SH3TC2: variants seen among roughly 807,000 people sequenced by gnomAD.
SH3TC2 encodes SH3 domain and tetratricopeptide repeats 2.
Under a neutral mutation model 124.5 loss-of-function variants are expected in SH3TC2, and 87 were observed. The observed-to-expected ratio is 0.70, with a 90% CI of 0.59 to 0.84. SH3TC2 has a LOEUF of 0.84. Among genes scored for constraint, SH3TC2 ranks in the 40% least tolerant of loss-of-function variants. The pLI is 0.00. For synonymous variants in SH3TC2, 634 were observed against 628.5 expected (o/e 1.01, Z -0.13); for missense variants, 1,536 against 1,566.4 (o/e 0.98, Z 0.33).
rs1347964733 is a variant in SH3TC2, at chr5:149,027,833, G to A, written c.1899C>T (p.Ala633=). The part of the protein sequence containing the change: ...GIVVGSSPLE[A]RACFLAIRLL... Reference sequence around the variant, plus strand: ...AGCGGATGGCCAGAAAGCAGGCCCTGGCCTCCAGCGGGCTGCTGCCCACCA... The same window carrying A: ...AGCGGATGGCCAGAAAGCAGGCCCTAGCCTCCAGCGGGCTGCTGCCCACCA... Residue 633 remains alanine, a synonymous_variant, in exon 11 of 17, where the codon GCC becomes GCT. Transcript: ENST00000515425. The A allele has an allele frequency of 2.5e-6, 4 of 1,613,730 alleles. No individual in the cohort carries two copies. In the Admixed American group the frequency reaches 6.7e-5, roughly 27 times the overall value.
chr5:149,010,172 G>A, intron 14 of SH3TC2, 98 bp downstream of exon 14: 3 of 1,529,664 alleles, frequency 2.0e-6, no homozygotes, highest in East Asian at 4.5e-5. Flanking sequence ...TGAAATACAA[G>A]CAAGAGAGGA....
chr5:149,060,133 G>A (rs1754720325), intron 1 of SH3TC2, among the ~76,000 whole-genome samples: 1 of 152,186 alleles, frequency 6.6e-6, no homozygotes, highest in Admixed American at 6.5e-5. Flanking sequence ...AGAGGCGAAT[G>A]TATCTCTTCC....
chr5:149,026,824 T>C (rs1754072207), intron 11 of SH3TC2, 36 bp downstream of exon 11: 2 of 1,614,166 alleles, frequency 1.2e-6, no homozygotes, highest in South Asian at 2.2e-5. Context: ...CCAACACTTT[T>C]CTCTATAGCT....
chr5:149,032,412 T>C (rs1034459789), intron 8 of SH3TC2, among the ~76,000 whole-genome samples: 6 of 152,216 alleles, frequency 3.9e-5, no homozygotes, highest in African/African-American at 1.4e-4. Context: ...AATAAAAAAC[T>C]AGAAGTGCCT....
chr5:149,057,944 C>A (rs1463149557), intron 1 of SH3TC2, among the ~76,000 whole-genome samples: 1 of 152,122 alleles, frequency 6.6e-6, no homozygotes, highest in African/African-American at 2.4e-5. Flanking sequence ...GTTCTAGGAC[C>A]CTCATCAGCA....
At position 149,044,412 on chromosome 5, in the gene SH3TC2, T is replaced by A. The variant is rs746157308; in HGVS notation, c.385+121A>T. The A allele has an allele frequency of 1.1e-5, 8 of 742,674 alleles. No individual in the cohort carries two copies. The African/African-American group carries it at 1.4e-4, about 13-fold the overall frequency. 46.0% of individuals were successfully genotyped at this position (742,674 alleles called of 1,614,324 possible). ...TTTGTGAAATTTCAAAAGTTAACCA[T>A]CTTTTTTAAGGCTCTATTTCTCTTA... On this transcript the variant is annotated intron_variant, in intron 4 of 16. Transcript: ENST00000515425.
At position 148,987,080 on chromosome 5, in the gene SH3TC2, T is replaced by C. The variant is rs369865445; in HGVS notation, c.*17631A>G. On this transcript the variant is annotated 3_prime_UTR_variant, in exon 17 of 17. Coordinates refer to ENST00000515425, the MANE Select transcript of SH3TC2 (RefSeq NM_024577.4). ...CTTAATTCTCTAATCTGAAATTCTT[T>C]ATTTTAGATCCATTCCAAAATCATC... Among the ~76,000 whole-genome samples, 1 of 152,260 alleles carries C rather than the reference T, an allele frequency of 6.6e-6. No individual in the cohort carries two copies. Among genetic ancestry groups the C allele is most frequent in the Non-Finnish European group, 1.5e-5 (1 of 68,046 alleles).
intron 1 of SH3TC2, among the ~76,000 whole-genome samples, chr5:149,060,639 G>A (rs1754730606): frequency 6.6e-6 from 1 of 152,202 alleles, no homozygotes; most frequent in African/African-American, 2.4e-5. Flanking sequence ...CAAGGCAGAA[G>A]CACCCCAGGA....
At chr5:149,057,584 G>C (rs527643778) in intron 1 of SH3TC2, 1 of 152,308 alleles carries the variant, frequency 6.6e-6, no homozygotes, top group African/African-American at 2.4e-5. Context: ...AAATTTGCAT[G>C]TCATCCTTGC....
intron 12 of SH3TC2, chr5:149,025,717 T>C (rs1245687242): frequency 1.3e-5 from 2 of 152,196 alleles, no homozygotes; most frequent in Non-Finnish European, 2.9e-5. Context: ...CAACAGAAGA[T>C]GGCAAAATCT....
Position 148,992,201 on chromosome 5 carries a change from GA to G in SH3TC2, c.*12509del, listed in dbSNP as rs1361153968. On this transcript the variant is annotated 3_prime_UTR_variant, in exon 17 of 17. Transcript: ENST00000515425. ...CTTCCATATTACAGATGCAGAAATG[GA>G]GGCCCAGAATGGTTAAGTGCCTTGC... Among the ~76,000 whole-genome samples the G allele has an allele frequency of 3.3e-5, 5 of 152,210 alleles. No individual in the cohort carries two copies. Among genetic ancestry groups the G allele is most frequent in the Non-Finnish European group, 7.3e-5 (5 of 68,044 alleles).
At chr5:149,051,014 C>A (rs1754546966) in intron 2 of SH3TC2, among the ~76,000 whole-genome samples, 1 of 152,018 alleles carries the variant, frequency 6.6e-6, no homozygotes, top group Admixed American at 6.6e-5. Context: ...GATGGGCAAG[C>A]AAAAATGAGA....
At chr5:149,023,583 C>CTTTTTTTTTTTTTTTTT (rs5872108) in intron 12 of SH3TC2, among the ~76,000 whole-genome samples, 18 of 107,242 alleles carry the variant, frequency 1.7e-4, no homozygotes, top group African/African-American at 2.3e-4. Flanking sequence ...TAGTGTAATC[C>CTTTTTTTTTTTTTTTTT]TTTTTTTTTT....
At chr5:149,049,648 G>C (rs1580915439) in intron 2 of SH3TC2, among the ~76,000 whole-genome samples, 1 of 152,172 alleles carries the variant, frequency 6.6e-6, no homozygotes, top group Non-Finnish European at 1.5e-5. Context: ...GCCTGGGCAT[G>C]GTGGTGCATG....
At chr5:149,035,991 A>G (rs1754277129) in intron 8 of SH3TC2, 1 of 152,198 alleles carries the variant, frequency 6.6e-6, no homozygotes, top group Non-Finnish European at 1.5e-5. Flanking sequence ...ACAAACAACA[A>G]TAAGAACAAG....
rs1341011191 is a variant in SH3TC2, at chr5:149,002,187, A to T, written c.*2524T>A. 2 of 152,866 alleles carry T rather than the reference A, an allele frequency of 1.3e-5. No individual in the cohort carries two copies. The highest frequency in any genetic ancestry group is 2.9e-5 in the Non-Finnish European group (2 of 68,074). 9.5% of individuals were successfully genotyped at this position (152,866 alleles called of 1,614,324 possible). On this transcript the variant is annotated 3_prime_UTR_variant, in exon 17 of 17. Transcript: ENST00000515425. Reference sequence around the variant, plus strand: ...AGGGAGGGGATCTGTAACCTGAGTCAGATGGGGAATGGCCAGTGGCATGGT... The same window carrying T: ...AGGGAGGGGATCTGTAACCTGAGTCTGATGGGGAATGGCCAGTGGCATGGT...
At chr5:149,042,318 T>C (rs1454911254) in intron 5 of SH3TC2, among the ~76,000 whole-genome samples, 2 of 152,240 alleles carry the variant, frequency 1.3e-5, no homozygotes, top group Non-Finnish European at 2.9e-5. Context: ...CAATCAAATT[T>C]TATCACGTTT....
intron 6 of SH3TC2, among the ~76,000 whole-genome samples, chr5:149,040,967 T>C (rs893100395): frequency 2.0e-5 from 3 of 152,174 alleles, no homozygotes; most frequent in South Asian, 4.1e-4. Context: ...CACAGGTCCA[T>C]GGTGTGGGGT....
chr5:148,987,499 T>A lies in SH3TC2; in HGVS notation c.*17212A>T, dbSNP rs886999097. Among the ~76,000 whole-genome samples, 2 of 152,248 alleles carry A rather than the reference T, an allele frequency of 1.3e-5. No individual in the cohort carries two copies. Among genetic ancestry groups the A allele is most frequent in the Admixed American group, 1.3e-4 (2 of 15,288 alleles). ...GCTGAGCTTCCAGCTAACATTTCTA[T>A]CCCACAGCAGACCTGCATGGTCTTT... On this transcript the variant is annotated 3_prime_UTR_variant, in exon 17 of 17. Coordinates refer to ENST00000515425, the MANE Select transcript of SH3TC2 (RefSeq NM_024577.4).
Sources: gnomAD v4.1 joint callset for allele counts (sites outside exome capture counted in the v4.1 genomes callset) on GRCh38, gnomAD v4.1.1 for gene constraint, MANE v1.5 for transcripts, NCBI Gene and HGNC (gene_info 2026-07-23, HGNC 2026-07-21) for gene names.